The following SPMIP4 variants were observed in gnomAD, a reference collection of about 807,000 sequenced individuals.
SPMIP4 encodes sperm microtubule inner protein 4.
the SPMIP4 span, among the ~76,000 whole-genome samples, chr7:25,171,697 C>T: frequency 2.0e-5 from 3 of 152,164 alleles, no homozygotes; most frequent in Non-Finnish European, 4.4e-5. Context: ...CCACTTCTGC[C>T]CTTAGGGCAG....
At chr7:25,178,949 G>A in the SPMIP4 span, among the ~76,000 whole-genome samples, 1 of 152,266 alleles carries the variant, frequency 6.6e-6, no homozygotes, top group East Asian at 1.9e-4. Context: ...GGTGAGGCAG[G>A]AGAATCACCT....
chr7:25,138,281 A>G, the SPMIP4 span, among the ~76,000 whole-genome samples: 2 of 152,262 alleles, frequency 1.3e-5, no homozygotes, highest in African/African-American at 2.4e-5. The surrounding 1 kb of genome is among the most constrained non-coding windows in gnomAD (Gnocchi z 6.2). Flanking sequence ...TAATAAGCTC[A>G]TAATTTAGTG....
chr7:25,175,816 T>C, the SPMIP4 span, among the ~76,000 whole-genome samples: 3 of 152,214 alleles, frequency 2.0e-5, no homozygotes, highest in South Asian at 2.1e-4. Flanking sequence ...TCAGCAATGA[T>C]AGAACAGAGT....
the SPMIP4 span, among the ~76,000 whole-genome samples, chr7:25,167,381 T>A: frequency 6.6e-6 from 1 of 152,240 alleles, no homozygotes; most frequent in East Asian, 1.9e-4. Flanking sequence ...AGTATCTGCT[T>A]CAGAAAGACA....
chr7:25,147,191 G>A, the SPMIP4 span, among the ~76,000 whole-genome samples: 1 of 152,206 alleles, frequency 6.6e-6, no homozygotes, highest in Non-Finnish European at 1.5e-5. Context: ...GTACTCTGGA[G>A]ACTGAGGCAG....
chr7:25,171,593 A>G, the SPMIP4 span, among the ~76,000 whole-genome samples: 1 of 152,226 alleles, frequency 6.6e-6, no homozygotes, highest in African/African-American at 2.4e-5. Flanking sequence ...AGAAAAAAAA[A>G]TCTTAAAAAC....
chr7:25,137,230 TTCCTGAC>T, the SPMIP4 span, among the ~76,000 whole-genome samples: 1 of 147,266 alleles, frequency 6.8e-6, no homozygotes, highest in Non-Finnish European at 1.5e-5. Flanking sequence ...TGGCAGGAGA[TTCCTGAC>T]TCCTAAGACC....
the SPMIP4 span, chr7:25,179,646 A>G: frequency 1.0e-5 from 2 of 192,278 alleles, no homozygotes; most frequent in African/African-American, 4.6e-5. Context: ...AACTATAACT[A>G]TTCAAGAAAA....
chr7:25,170,087 C>T, the SPMIP4 span, among the ~76,000 whole-genome samples: 3 of 152,120 alleles, frequency 2.0e-5, no homozygotes, highest in Admixed American at 1.3e-4. Flanking sequence ...TATGGTGATT[C>T]TGTTTAACTT....
the SPMIP4 span, among the ~76,000 whole-genome samples, chr7:25,164,017 C>T: frequency 3.3e-5 from 5 of 152,138 alleles, no homozygotes; most frequent in East Asian, 1.9e-4. Flanking sequence ...CCATACTTAC[C>T]GAACATTAGG....
At chr7:25,164,217 C>T in the SPMIP4 span, among the ~76,000 whole-genome samples, 1 of 152,124 alleles carries the variant, frequency 6.6e-6, no homozygotes, top group Non-Finnish European at 1.5e-5. Flanking sequence ...TGACTCCCTC[C>T]CCAGCTACCT....
the SPMIP4 span, chr7:25,151,716 A>C: frequency 8.0e-7 from 1 of 1,247,366 alleles, no homozygotes; most frequent in Non-Finnish European, 1.2e-6. Context: ...ATAAATAAGA[A>C]CAGTCTTTTA....
At chr7:25,176,405 A>C in the SPMIP4 span, among the ~76,000 whole-genome samples, 8 of 152,230 alleles carry the variant, frequency 5.3e-5, no homozygotes, top group Non-Finnish European at 1.2e-4. This position sits in a 1 kb window ranked among gnomAD's most constrained non-coding sequence, Gnocchi z 4.4. Context: ...ATTTGACTCA[A>C]GGGAAGCTCT....
the SPMIP4 span, chr7:25,161,171 A>G: frequency 2.0e-6 from 3 of 1,469,338 alleles, no homozygotes; most frequent in South Asian, 1.3e-5. Flanking sequence ...TTATATAAGG[A>G]AAAAAACCCA....
At chr7:25,148,477 CTT>C in the SPMIP4 span, among the ~76,000 whole-genome samples, 1,134 of 128,104 alleles carry the variant, frequency 8.9e-3, 20 homozygotes, top group Non-Finnish European at 0.01. Context: ...GAATCTGCCT[CTT>C]TTTTTTTTTT....
At chr7:25,179,042 A>AAAAC in the SPMIP4 span, 11,567 of 876,136 alleles carry the variant, frequency 0.013, 282 homozygotes, top group African/African-American at 0.09. Context: ...CACCGTCTCA[A>AAAAC]AAACAAACAA....
chr7:25,177,699 T>C, the SPMIP4 span, among the ~76,000 whole-genome samples: 3 of 152,234 alleles, frequency 2.0e-5, no homozygotes, highest in African/African-American at 7.2e-5. Context: ...GTAGTACTTA[T>C]AGGGTTGTCA....
chr7:25,152,583 C>T, the SPMIP4 span, among the ~76,000 whole-genome samples: 5 of 152,032 alleles, frequency 3.3e-5, no homozygotes, highest in Non-Finnish European at 7.4e-5. Context: ...AGTGATTTGT[C>T]CACATCTCAA....
chr7:25,155,117 G>A, the SPMIP4 span: 1 of 1,613,524 alleles, frequency 6.2e-7, no homozygotes. Context: ...CAGGTGACGT[G>A]AAGGTGGGGA....
Sources: gnomAD v4.1 joint callset for allele counts (sites outside exome capture counted in the v4.1 genomes callset) on GRCh38, gnomAD v4.1.1 for gene constraint, Gnocchi (gnomAD v3.1) non-coding constraint, MANE v1.5 for transcripts, NCBI Gene and HGNC (gene_info 2026-07-23, HGNC 2026-07-21) for gene names.